OCA2: variants seen among roughly 807,000 people sequenced by gnomAD.
The protein encoded by OCA2 is P protein.
A neutral mutation model predicts 100.2 loss-of-function variants in OCA2; 77 were observed. That is an observed-to-expected ratio of 0.77 (90% CI 0.64 to 0.93). The LOEUF (loss-of-function observed/expected upper bound fraction) is 0.93. OCA2 is among the 40% of genes least tolerant of loss of function. OCA2 has a pLI of 0.00. For missense variants in OCA2, 1,062 were observed against 1,089.1 expected (o/e 0.98, Z 0.35); for synonymous variants, 432 against 439.2 (o/e 0.98, Z 0.21).
chr15:27,864,999 T>C (rs1477127998), intron 21 of OCA2, among the ~76,000 whole-genome samples: 2 of 151,032 alleles, frequency 1.3e-5, no homozygotes, highest in Non-Finnish European at 2.9e-5. Flanking sequence ...GAAATATTGG[T>C]TAAACGTCTC....
intron 19 of OCA2, among the ~76,000 whole-genome samples, chr15:27,874,142 C>G (rs920549781): frequency 3.9e-5 from 6 of 152,296 alleles, no homozygotes; most frequent in Admixed American, 6.5e-5. Flanking sequence ...CTTCTTCAGC[C>G]AAACAAATGG....
intron 22 of OCA2, among the ~76,000 whole-genome samples, chr15:27,851,074 T>C (rs936330559): frequency 1.4e-4 from 22 of 152,270 alleles, no homozygotes; most frequent in African/African-American, 5.3e-4. Flanking sequence ...GGCTTCTGAT[T>C]CAAAATCTGT....
chr15:28,054,277 T>C (rs2043616411), intron 2 of OCA2, among the ~76,000 whole-genome samples: 1 of 152,236 alleles, frequency 6.6e-6, no homozygotes, highest in Admixed American at 6.5e-5. Context: ...TAATCATGTG[T>C]GCATGCATGT....
chr15:28,063,816 T>C (rs1006342915), intron 2 of OCA2, among the ~76,000 whole-genome samples: 1 of 152,186 alleles, frequency 6.6e-6, no homozygotes, highest in South Asian at 2.1e-4. Flanking sequence ...GATGGTAGAA[T>C]GAAGGAGTTG....
At chr15:28,067,574 C>A (rs538287391) in intron 2 of OCA2, among the ~76,000 whole-genome samples, 1 of 152,038 alleles carries the variant, frequency 6.6e-6, no homozygotes, top group South Asian at 2.1e-4. Flanking sequence ...TTTATTTCTA[C>A]CTTAATTTTT....
intron 15 of OCA2, among the ~76,000 whole-genome samples, chr15:27,962,938 T>C (rs1013475017): frequency 1.3e-5 from 2 of 152,072 alleles, no homozygotes; most frequent in African/African-American, 4.8e-5. Context: ...AGTAAAAAGA[T>C]GGAAAAAGAT....
At chr15:27,874,896 AAAT>A (rs1336696268) in intron 19 of OCA2, among the ~76,000 whole-genome samples, 1 of 152,216 alleles carries the variant, frequency 6.6e-6, no homozygotes, top group African/African-American at 2.4e-5. Context: ...AATTTTGAAT[AAAT>A]AAAATGTAAA....
Position 27,966,807 on chromosome 15 carries a change from C to T in OCA2, c.1519G>A (p.Gly507Arg), listed in dbSNP as rs138606284. ...CCAATGAACATGTGTGCAGTGAATC[C>T]GGCAAAGTCCAGGCCCTGGAAATAA... is the stretch of plus-strand genomic sequence containing the variant. ...ELRKMGLDFA[G>R]FTAHMFIGIC... Residue 507 changes from glycine (G) to arginine (R), a missense_variant, in exon 15 of 24, where the codon GGA (glycine) becomes AGA (arginine). Transcript: ENST00000354638. The T allele has an allele frequency of 3.3e-5, 53 of 1,611,796 alleles. No homozygotes were observed. In the African/African-American group the frequency reaches 5.2e-4, roughly 16 times the overall value.
chr15:27,730,290 TG>T, the OCA2 span, among the ~76,000 whole-genome samples: 1 of 152,110 alleles, frequency 6.6e-6, no homozygotes, highest in Non-Finnish European at 1.5e-5. Flanking sequence ...TGTAAGGTCC[TG>T]GGGGAAGGAG....
At chr15:27,892,714 A>G (rs1302151358) in intron 19 of OCA2, among the ~76,000 whole-genome samples, 3 of 152,226 alleles carry the variant, frequency 2.0e-5, no homozygotes, top group Admixed American at 2.0e-4. Flanking sequence ...TAAAGATCAC[A>G]GAAGAAATCT....
chr15:27,817,849 T>G (rs1216589087), intron 23 of OCA2, among the ~76,000 whole-genome samples: 2 of 152,164 alleles, frequency 1.3e-5, no homozygotes, highest in Non-Finnish European at 2.9e-5. Context: ...TTTTACATAC[T>G]TGAGTGAGAT....
intron 2 of OCA2, among the ~76,000 whole-genome samples, chr15:28,074,673 C>CAAAAAAA (rs1172821817): frequency 1.5e-5 from 1 of 66,950 alleles, no homozygotes; most frequent in Non-Finnish European, 3.6e-5. Context: ...GACTCCGTCT[C>CAAAAAAA]AAAAAAAAAA....
At chr15:27,913,871 G>GAA (rs1567097949) in intron 19 of OCA2, among the ~76,000 whole-genome samples, 1 of 50,210 alleles carries the variant, frequency 2.0e-5, no homozygotes, top group Non-Finnish European at 3.4e-5. Flanking sequence ...AAGAAAGAAA[G>GAA]AAAGAAAGAA....
chr15:27,742,855 G>T, the OCA2 span, among the ~76,000 whole-genome samples: 1 of 152,192 alleles, frequency 6.6e-6, no homozygotes, highest in Non-Finnish European at 1.5e-5. Context: ...CGTGGCCTTG[G>T]GGAGTGAAGG....
At chr15:28,045,899 T>C (rs954744060) in intron 2 of OCA2, among the ~76,000 whole-genome samples, 2 of 152,222 alleles carry the variant, frequency 1.3e-5, no homozygotes, top group African/African-American at 4.8e-5. Context: ...TAAGTGATAC[T>C]GAATATTCAT....
intron 23 of OCA2, among the ~76,000 whole-genome samples, chr15:27,790,825 G>A: frequency 7.3e-6 from 1 of 137,130 alleles, no homozygotes; most frequent in East Asian, 2.1e-4. Flanking sequence ...AACTTGCTCT[G>A]TTGCCCAGGC....
chr15:27,740,258 C>T, the OCA2 span, among the ~76,000 whole-genome samples: 3 of 152,158 alleles, frequency 2.0e-5, no homozygotes, highest in East Asian at 3.9e-4. Flanking sequence ...GGGTGTGACT[C>T]CCTATTTCCA....
chr15:27,773,944 G>A (rs2032036520), intron 23 of OCA2, among the ~76,000 whole-genome samples: 1 of 152,170 alleles, frequency 6.6e-6, no homozygotes, highest in African/African-American at 2.4e-5. Flanking sequence ...TTGCTGACAG[G>A]CTGTGCCTTA....
At chr15:27,863,631 T>G (rs2036217550) in intron 21 of OCA2, among the ~76,000 whole-genome samples, 1 of 152,124 alleles carries the variant, frequency 6.6e-6, no homozygotes, top group Admixed American at 6.5e-5. Context: ...CTTCTCCCCA[T>G]TCTGGAACTG....
Sources: gnomAD v4.1 joint callset for allele counts (sites outside exome capture counted in the v4.1 genomes callset) on GRCh38, gnomAD v4.1.1 for gene constraint, MANE v1.5 for transcripts, NCBI Gene and HGNC (gene_info 2026-07-23, HGNC 2026-07-21) for gene names.